CELSR3: variants seen among roughly 807,000 people sequenced by gnomAD.
The protein encoded by CELSR3 is cadherin EGF LAG seven-pass G-type receptor 3, also known as EGF-like protein 1.
Under a neutral mutation model 270.0 loss-of-function variants are expected in CELSR3, and 73 were observed. The observed-to-expected ratio is 0.27, with a 90% CI of 0.22 to 0.33. The LOEUF is 0.33. CELSR3 is among the 10% of genes least tolerant of loss of function. CELSR3 has a pLI of 1.00. For synonymous variants in CELSR3, 1,780 were observed against 1,905.4 expected, an observed-to-expected ratio of 0.93 and a Z score of 1.71; for missense variants, 3,614 against 4,533.8, an observed-to-expected ratio of 0.80 and a Z score of 5.83.
intron 16 of CELSR3, among the ~76,000 whole-genome samples, chr3:48,649,896 C>T (rs1417724312): frequency 1.6e-4 from 25 of 152,164 alleles, no homozygotes; most frequent in Admixed American, 1.6e-3. Context: ...CTCTGTCCAG[C>T]CACTGCAGAG....
At position 48,659,619 on chromosome 3, in the gene CELSR3, C is replaced by T. The variant is rs1017431545; in HGVS notation, c.3016G>A (p.Gly1006Arg). 2.6e-5 allele frequency: 42 copies of T among 1,614,094 alleles called. No homozygotes were observed. Among genetic ancestry groups the T allele is most frequent in the Non-Finnish European group, 3.6e-5 (42 of 1,180,054 alleles). ...GGCTCAATGGTAAAATCTCCATCCC[C>T]ATCTTCACCATTCTGGAAAGTGTAC... ...VQYTFQNGEDGDGDFTIEPTS... is the reference protein window; with the variant it reads ...VQYTFQNGEDRDGDFTIEPTS... Residue 1006 changes from glycine (G) to arginine (R), a missense_variant, in exon 1 of 35, where the codon GGG becomes AGG. Physicochemically the swap from Gly to Arg is moderately radical, Grantham distance 125. Transcript: ENST00000164024. The surrounding 1 kb of genome is among the most constrained non-coding windows in gnomAD (Gnocchi z 8.1).
chr3:48,655,752 C>A lies in CELSR3; in HGVS notation c.4725G>T (p.Arg1575=). 5.0e-6 allele frequency: 8 copies of A among 1,613,676 alleles called. No individual in the cohort carries two copies. Among genetic ancestry groups the A allele is most frequent in the Non-Finnish European group, 6.8e-6 (8 of 1,179,890 alleles). Residue 1575 remains arginine, a synonymous_variant, in exon 4 of 35, where the codon CGG becomes CGT. Transcript: ENST00000164024. The surrounding 1 kb of genome is among the most constrained non-coding windows in gnomAD (Gnocchi z 5.8). The part of the protein sequence containing the change: ...LALELVAGQV[R]LTYSTGESNT... ...GGCACCCACCCGTGGAATATGTGAG[C>A]CGCACTTGGCCAGCCACGAGTTCCA...
rs369908106 is a variant in CELSR3 at position 48,657,330 on chromosome 3, G to A, written c.3767C>T (p.Thr1256Met). 41 of 1,601,908 alleles carry A rather than the reference G, an allele frequency of 2.6e-5. No homozygotes were observed. The highest frequency in any genetic ancestry group is 3.3e-5 in the Non-Finnish European group (39 of 1,174,386). ...GACCACGCGCAGCACACACTGCGCC[G>A]TCACGCTGTGCAGGCCATCTGCAGG... ...VTVTDGLHSV[T>M]AQCVLRVVII... The change falls in exon 2 of 35, where the codon ACG (threonine) becomes ATG (methionine). Residue 1256 changes from threonine (T) to methionine (M), a missense_variant. Coordinates refer to ENST00000164024, the MANE Select transcript of CELSR3 (RefSeq NM_001407.3). The surrounding 1 kb of genome is among the most constrained non-coding windows in gnomAD (Gnocchi z 5.4).
chr3:48,643,776 G>A (rs549877833), intron 27 of CELSR3, 99 bp from the exon 28 acceptor site: 8 of 1,387,488 alleles, frequency 5.8e-6, no homozygotes, highest in African/African-American at 2.9e-5. Context: ...CACACGAAAC[G>A]TGAAAAAAAG....
At position 48,648,447 on chromosome 3, in the gene CELSR3, G is replaced by A. The variant is rs1206450138; in HGVS notation, c.6792C>T (p.Ala2264=). The A allele has an allele frequency of 6.4e-6, 10 of 1,567,966 alleles. No homozygotes were observed. The highest frequency in any genetic ancestry group is 2.3e-5 in the East Asian group (1 of 43,340). The change falls in exon 19 of 35, where the codon GCC becomes GCT. Residue 2264 remains alanine (A), a synonymous_variant. Coordinates refer to ENST00000164024, the MANE Select transcript of CELSR3 (RefSeq NM_001407.3). ...DAHFNENLLW[A]GSALLAPETG... ...TCTCTGGGGCAAGCAGTGCAGAGCC[G>A]GCCCACAGCAGATTCTGGGAAGACA...
chr3:48,644,445 G>T lies in CELSR3; in HGVS notation c.8086-150C>A. On this transcript the variant is annotated intron_variant, in intron 26 of 34. Coordinates refer to ENST00000164024, the MANE Select transcript of CELSR3 (RefSeq NM_001407.3). This position sits in a 1 kb window ranked among gnomAD's most constrained non-coding sequence, Gnocchi z 4.8. Reference sequence around the variant, plus strand: ...TATACACACACACCAAAGGAGCTTAGCATCACAGAAAAAGAAATTGGGAAC... The same window carrying T: ...TATACACACACACCAAAGGAGCTTATCATCACAGAAAAAGAAATTGGGAAC... The T allele has an allele frequency of 2.7e-6, 2 of 734,794 alleles. No homozygotes were observed. The highest frequency in any genetic ancestry group is 1.8e-5 in the South Asian group (1 of 55,686). The allele number at this position is 734,794 out of a possible 1,614,324, so 45.5% of individuals were successfully genotyped here.
chr3:48,660,847 G>A lies in CELSR3; in HGVS notation c.1788C>T (p.Asp596=). The change falls in exon 1 of 35, where the codon GAC becomes GAT. Residue 596 remains aspartate, a synonymous_variant. Coordinates refer to ENST00000164024, the MANE Select transcript of CELSR3 (RefSeq NM_001407.3). This position sits in a 1 kb window ranked among gnomAD's most constrained non-coding sequence, Gnocchi z 5.5. ...CCACCTGGATCTCGCCAGTGAGGCT[G>A]TCGATGGCAAAGTGTCCACGGCTAT... ...SGNSRGHFAI[D]SLTGEIQVVA... The A allele has an allele frequency of 1.2e-6, 2 of 1,614,016 alleles. No homozygotes were observed. The highest frequency in any genetic ancestry group is 1.7e-6 in the Non-Finnish European group (2 of 1,180,012).
intron 27 of CELSR3, 101 bp from the exon 28 acceptor site, chr3:48,643,778 GA>G (rs1559476380): frequency 8.0e-6 from 11 of 1,367,902 alleles, no homozygotes; most frequent in Non-Finnish European, 8.8e-6. Flanking sequence ...CACGAAACGT[GA>G]AAAAAAGGAA....
Position 48,642,260 on chromosome 3 carries a change from C to T in CELSR3, c.8665+98G>A. ...GCAGGGACCCTGGGGGAGATCGTCC[C>T]ACCCCAGTCAGCCACTGCTCCCAGT... is the stretch of plus-strand genomic sequence containing the variant. On this transcript the variant is annotated intron_variant, in intron 31 of 34. Transcript: ENST00000164024. The surrounding 1 kb of genome is among the most constrained non-coding windows in gnomAD (Gnocchi z 6.1). 1 of 1,316,076 alleles carries T rather than the reference C, an allele frequency of 7.6e-7. No homozygotes were observed. Among genetic ancestry groups the T allele is most frequent in the Non-Finnish European group, 1.0e-6 (1 of 963,222 alleles). The allele number at this position is 1,316,076 out of a possible 1,614,324, so 81.5% of individuals were successfully genotyped here.
rs2047031793 is a variant in CELSR3, at chr3:48,642,014, A to T, written c.8666-5T>A. Reference sequence around the variant, plus strand: ...TGTCAGAGTCGGAGTCTGCGCCTGGAGTTGGGAAAGTCAGAAGTACTTTCA... The same window carrying T: ...TGTCAGAGTCGGAGTCTGCGCCTGGTGTTGGGAAAGTCAGAAGTACTTTCA... On this transcript the variant is annotated splice_polypyrimidine_tract_variant and splice_region_variant and intron_variant, in intron 31 of 34. Transcript: ENST00000164024. This position sits in a 1 kb window ranked among gnomAD's most constrained non-coding sequence, Gnocchi z 6.1. 1.3e-6 allele frequency: 2 copies of T among 1,523,450 alleles called. No homozygotes were observed. The highest frequency in any genetic ancestry group is 1.8e-6 in the Non-Finnish European group (2 of 1,137,634). The allele number at this position is 1,523,450 out of a possible 1,614,324, so 94.4% of individuals were successfully genotyped here.
chr3:48,639,962 G>A lies in CELSR3; in HGVS notation c.9623C>T (p.Pro3208Leu), dbSNP rs2047007967. The A allele has an allele frequency of 1.6e-5, 26 of 1,612,878 alleles. No individual in the cohort carries two copies. Among genetic ancestry groups the A allele is most frequent in the Non-Finnish European group, 2.1e-5 (25 of 1,180,012 alleles). The change falls in exon 34 of 35, where the codon CCT becomes CTT. Residue 3208 changes from proline (P) to leucine (L), a missense_variant. Physicochemically the swap from Pro to Leu is moderately conservative, Grantham distance 98. This residue lies in a region of CELSR3 where 1,240 missense variants were observed against 1,351.7 expected (regional missense o/e 0.92). Transcript: ENST00000164024. The surrounding 1 kb of genome is among the most constrained non-coding windows in gnomAD (Gnocchi z 4.1). ...SNSREQLDQV[P>L]SRHPSREALG... is the part of the protein sequence containing the mutation. ...GGCTTCTCGTGAGGGGTGCCGGCTA[G>A]GCACCTGGTCCAGCTGCTCCCGAGA...
At position 48,653,843 on chromosome 3, in the gene CELSR3, C is replaced by T; in HGVS notation, c.5278+35G>A. ...CCCCTGCCCCAGGAACAGATCTGAC[C>T]CTGCAGGCCCCTCTGCCCCATGCTG... On this transcript the variant is annotated intron_variant, in intron 8 of 34. Transcript: ENST00000164024. The surrounding 1 kb of genome is among the most constrained non-coding windows in gnomAD (Gnocchi z 6.5). The T allele has an allele frequency of 1.9e-6, 3 of 1,611,800 alleles. No homozygotes were observed. The highest frequency in any genetic ancestry group is 1.1e-5 in the South Asian group (1 of 91,050).
chr3:48,660,465 A>T lies in CELSR3; in HGVS notation c.2170T>A (p.Phe724Ile), dbSNP rs2077058227. The T allele has an allele frequency of 1.2e-6, 2 of 1,614,168 alleles. No homozygotes were observed. The highest frequency in any genetic ancestry group is 4.5e-5 in the East Asian group (2 of 44,876). ...CCATGGTCTCGAGCCTCCACACCAA[A>T]GAAGTAATGCTCCACAGACTCACGG... ...LDRESVEHYF[F>I]GVEARDHGSP... The change falls in exon 1 of 35, where the codon TTT becomes ATT. Residue 724 changes from phenylalanine to isoleucine, a missense_variant. Phe to Ile is a conservative substitution (Grantham distance 21, BLOSUM62 0). Around this residue, in one of 7 missense-constraint regions of CELSR3, gnomAD observed 215 missense variants for 241.2 expected, o/e 0.89. Transcript: ENST00000164024. The surrounding 1 kb of genome is among the most constrained non-coding windows in gnomAD (Gnocchi z 5.5).
rs766531628 is a variant in CELSR3 at position 48,661,848 on chromosome 3, G to T, written c.787C>A (p.Arg263Ser). The change falls in exon 1 of 35, where the codon CGC becomes AGC. Residue 263 changes from arginine to serine, a missense_variant. Arg to Ser is a moderately radical substitution (Grantham distance 110). Transcript: ENST00000164024. The part of the protein sequence containing the change: ...RTAPASGSAP[R>S]ESRTAPEPAP... ...GGCTCGGGAGCTGTCCGAGACTCGCGGGGTGCTGAACCTGATGCAGGAGCT... is the reference window on the plus strand; with the variant it reads ...GGCTCGGGAGCTGTCCGAGACTCGCTGGGTGCTGAACCTGATGCAGGAGCT... 6.2e-7 allele frequency: 1 copy of T among 1,610,412 alleles called. No individual in the cohort carries two copies. Among genetic ancestry groups the T allele is most frequent in the Non-Finnish European group, 8.5e-7 (1 of 1,179,652 alleles).
chr3:48,648,594 G>T, intron 18 of CELSR3, 125 bp downstream of exon 18: 1 of 1,387,084 alleles, frequency 7.2e-7, no homozygotes, highest in South Asian at 1.4e-5. Flanking sequence ...GAGAGGACAA[G>T]GACAGAGGGA....
rs369346007 is a variant in CELSR3 at position 48,652,950 on chromosome 3, C to T, written c.5634+52G>A. 69 of 1,505,386 alleles carry T rather than the reference C, an allele frequency of 4.6e-5. No homozygotes were observed. Among genetic ancestry groups the T allele is most frequent in the African/African-American group, 3.9e-4 (28 of 72,700 alleles). The allele number at this position is 1,505,386 out of a possible 1,614,324, so 93.3% of individuals were successfully genotyped here. On this transcript the variant is annotated intron_variant, in intron 10 of 34. Transcript: ENST00000164024. The surrounding 1 kb of genome is among the most constrained non-coding windows in gnomAD (Gnocchi z 4.3). Reference sequence around the variant, plus strand: ...GGACTAGAGGTGGGGTCAAATAAGGCGGATCTGGTTGGAAGGCTGAGAACA... The same window carrying T: ...GGACTAGAGGTGGGGTCAAATAAGGTGGATCTGGTTGGAAGGCTGAGAACA...
At position 48,651,182 on chromosome 3, in the gene CELSR3, C is replaced by A. The variant is rs2047133911; in HGVS notation, c.6187-107G>T. ...AACAGTGCTCATGGGCCAGAGGACA[C>A]CTGGGTCATGCGTGAAGCCAAGGGA... On this transcript the variant is annotated intron_variant, in intron 14 of 34. Transcript: ENST00000164024. This position sits in a 1 kb window ranked among gnomAD's most constrained non-coding sequence, Gnocchi z 7.4. 1 of 1,439,066 alleles carries A rather than the reference C, an allele frequency of 6.9e-7. No individual in the cohort carries two copies. The highest frequency in any genetic ancestry group is 9.5e-7 in the Non-Finnish European group (1 of 1,051,658). 89.1% of individuals were successfully genotyped at this position (1,439,066 alleles called of 1,614,324 possible). A position where few individuals can be genotyped will look rare whatever the true frequency, so the allele number is the denominator to read the frequency against.
chr3:48,642,798 C>T lies in CELSR3; in HGVS notation c.8493G>A (p.Val2831=), dbSNP rs1352716927. 2.5e-6 allele frequency: 4 copies of T among 1,612,924 alleles called. No homozygotes were observed. The highest frequency in any genetic ancestry group is 2.7e-5 in the African/African-American group (2 of 74,924). Residue 2831 remains valine, a synonymous_variant, in exon 30 of 35, where the codon GTG becomes GTA. Coordinates refer to ENST00000164024, the MANE Select transcript of CELSR3 (RefSeq NM_001407.3). The surrounding 1 kb of genome is among the most constrained non-coding windows in gnomAD (Gnocchi z 6.1). ...ITLGASTVSS[V]SSARSGRTQD... ...GGGTCCGGCCGGAGCGGGCACTGCT[C>T]ACAGAGGAGACGGTGGAGGCGCCCA...
In CELSR3 at chr3:48,641,151, G is replaced by A. The variant is rs1417622868; in HGVS notation, c.9025+173C>T. Reference sequence around the variant, plus strand: ...GTAGAGGGGGACAGAGAATTCCCAGGTCAGGACAGGAGCAGTCCCTGAGGA... The same window carrying A: ...GTAGAGGGGGACAGAGAATTCCCAGATCAGGACAGGAGCAGTCCCTGAGGA... On this transcript the variant is annotated intron_variant, in intron 33 of 34. Coordinates refer to ENST00000164024, the MANE Select transcript of CELSR3 (RefSeq NM_001407.3). The surrounding 1 kb of genome is among the most constrained non-coding windows in gnomAD (Gnocchi z 4.8). 3 of 605,008 alleles carry A rather than the reference G, an allele frequency of 5.0e-6. No homozygotes were observed. The highest frequency in any genetic ancestry group is 8.9e-6 in the Non-Finnish European group (3 of 336,954). The allele number at this position is 605,008 out of a possible 1,614,324, so 37.5% of individuals were successfully genotyped here.
Sources: allele counts gnomAD v4.1 joint callset (sites outside exome capture counted in the v4.1 genomes callset), GRCh38; gene constraint gnomAD v4.1.1; regional missense constraint gnomAD v4.1.1; non-coding constraint Gnocchi (gnomAD v3.1); transcripts MANE v1.5; gene names NCBI Gene and HGNC (gene_info 2026-07-23, HGNC 2026-07-21).